The following AARS2 variants were observed in gnomAD, a reference collection of about 807,000 sequenced individuals.
The protein encoded by AARS2 is alanyl-tRNA synthetase 2, mitochondrial.
A neutral mutation model predicts 119.7 loss-of-function variants in AARS2; 78 were observed. That is an observed-to-expected ratio of 0.65 (90% CI 0.54 to 0.79). The LOEUF (loss-of-function observed/expected upper bound fraction) is 0.79, where lower values mean the gene tolerates loss of function less well. AARS2 is among the 30% of genes least tolerant of loss of function. The probability of loss-of-function intolerance (pLI) is 0.00; values close to 1 mark genes in which losing one functional copy is unlikely to be tolerated. For synonymous variants in AARS2, 502 were observed against 526.3 expected, an observed-to-expected ratio of 0.95 and a Z score of 0.63; for missense variants, 1,157 against 1,291.3, an observed-to-expected ratio of 0.90 and a Z score of 1.59.
rs755011099 is a variant in AARS2 at position 44,313,314 on chromosome 6, A to G, written c.10T>C (p.Ser4Pro). 1.2e-6 allele frequency: 2 copies of G among 1,601,998 alleles called. No homozygotes were observed. Among genetic ancestry groups the G allele is most frequent in the Non-Finnish European group, 8.5e-7 (1 of 1,178,758 alleles). The change falls in exon 1 of 22, where the codon TCA becomes CCA. Residue 4 changes from serine to proline, a missense_variant. Physicochemically the swap from Ser to Pro is moderately conservative, Grantham distance 74. Transcript: ENST00000244571. ...AGCCTCCGGGCTGCAGCTGCCACTG[A>G]CGCTGCCATCGTAGCTCCGGGCAGT... Reference protein sequence around the residue: MAASVAAAARRLRR... With the variant: MAAPVAAAARRLRR...
intron 21 of AARS2, 173 bp from the exon 22 acceptor site, chr6:44,300,884 G>T: frequency 1.2e-6 from 1 of 857,334 alleles, no homozygotes; most frequent in South Asian, 1.5e-5. Flanking sequence ...AATGTGTGTG[G>T]GGAGGTGTAT....
At chr6:44,309,227 G>C (rs1561942309) in intron 5 of AARS2, among the ~76,000 whole-genome samples, 1 of 152,200 alleles carries the variant, frequency 6.6e-6, no homozygotes, top group East Asian at 1.9e-4. Context: ...TAGCCAGCTA[G>C]GTGATGACAG....
intron 21 of AARS2, 74 bp downstream of exon 21, chr6:44,301,082 A>C (rs1414583138): frequency 9.5e-6 from 13 of 1,364,500 alleles, no homozygotes; most frequent in Admixed American, 5.4e-5. Context: ...GGAGGAATTA[A>C]AGGTGTAAAA....
rs550871520 is a variant in AARS2 at position 44,302,446 on chromosome 6, C to G, written c.2432G>C (p.Ser811Thr). Reference protein sequence around the residue: ...KAATERLSLGSRDVAEALRLS... With the variant: ...KAATERLSLGTRDVAEALRLS... ...CCTCAGTGCCTCCGCCACATCCCGG[C>G]TCCCCAGACTCAGCCGCTCAGTGGC... Residue 811 changes from serine (S) to threonine (T), a missense_variant, in exon 18 of 22, where the codon AGC (serine) becomes ACC (threonine). Ser to Thr is a moderately conservative substitution (Grantham distance 58). Coordinates refer to ENST00000244571, the MANE Select transcript of AARS2 (RefSeq NM_020745.4). The G allele has an allele frequency of 1.2e-6, 2 of 1,614,056 alleles. No homozygotes were observed. Among genetic ancestry groups the G allele is most frequent in the African/African-American group, 2.7e-5 (2 of 74,928 alleles).
chr6:44,300,431 C>T lies in AARS2; in HGVS notation c.*116G>A. 1 of 1,471,178 alleles carries T rather than the reference C, an allele frequency of 6.8e-7. No homozygotes were observed. The highest frequency in any genetic ancestry group is 9.4e-7 in the Non-Finnish European group (1 of 1,058,290). The allele number at this position is 1,471,178 out of a possible 1,614,324, so 91.1% of individuals were successfully genotyped here. ...CTGGCCCAGGTGATCTTCTTTGGCT[C>T]AGCTGCTTGGCCTCCAGCCTCTAGT... On this transcript the variant is annotated 3_prime_UTR_variant, in exon 22 of 22. Coordinates refer to ENST00000244571, the MANE Select transcript of AARS2 (RefSeq NM_020745.4).
In AARS2 at chr6:44,301,229, G is replaced by A; in HGVS notation, c.2720C>T (p.Ala907Val). ...GAGTAGGAGCACAGACGTGCTGGGG[G>A]CCTGCTCACACAGCTGCCGTACCAC... ...VKVVRQLCEQAPSTSVLLLSP... is the reference protein window; with the variant it reads ...VKVVRQLCEQVPSTSVLLLSP... Residue 907 changes from alanine to valine, a missense_variant, in exon 21 of 22, where the codon GCC (alanine) becomes GTC (valine). By Grantham distance (64) the Ala-to-Val change is moderately conservative. Transcript: ENST00000244571. 1.9e-6 allele frequency: 3 copies of A among 1,613,738 alleles called. No individual in the cohort carries two copies. Among genetic ancestry groups the A allele is most frequent in the South Asian group, 1.1e-5 (1 of 91,074 alleles).
intron 5 of AARS2, among the ~76,000 whole-genome samples, chr6:44,308,229 G>A (rs1786029630): frequency 6.6e-6 from 1 of 152,138 alleles, no homozygotes; most frequent in Non-Finnish European, 1.5e-5. Flanking sequence ...CACAGCAACA[G>A]GAGTAGCCTT....
chr6:44,302,341 G>A (rs1785430557), intron 18 of AARS2, 50 bp downstream of exon 18: 1 of 1,613,724 alleles, frequency 6.2e-7, no homozygotes, highest in Non-Finnish European at 8.5e-7. Flanking sequence ...GGGAGGAATA[G>A]GGGAGGTAAT....
chr6:44,301,068 T>TG, intron 21 of AARS2, 88 bp downstream of exon 21: 1 of 1,180,976 alleles, frequency 8.5e-7, no homozygotes, highest in Non-Finnish European at 1.2e-6. Flanking sequence ...CCTTGGCCCC[T>TG]TTGGGAGGAA....
At chr6:44,312,013 A>G in intron 2 of AARS2, 59 bp downstream of exon 2, 1 of 1,590,932 alleles carries the variant, frequency 6.3e-7, no homozygotes, top group Non-Finnish European at 8.6e-7. Context: ...CAGACAGTAC[A>G]ATGGAAACAG....
At chr6:44,300,782 CAA>C in intron 21 of AARS2, 71 bp from the exon 22 acceptor site, 1 of 1,567,196 alleles carries the variant, frequency 6.4e-7, no homozygotes, top group Non-Finnish European at 8.6e-7. Context: ...AAGGTACCCT[CAA>C]GAGTGGAGCT....
Position 44,304,826 on chromosome 6 carries a change from G to A in AARS2, c.1580-9C>T, listed in dbSNP as rs1261660422. On this transcript the variant is annotated splice_polypyrimidine_tract_variant and intron_variant, in intron 11 of 21. Coordinates refer to ENST00000244571, the MANE Select transcript of AARS2 (RefSeq NM_020745.4). ...CTCACAGGTGCCGAACTCTGCCAGGGCACAGAATGGTTATTAGTGGTGGGC... is the reference window on the plus strand; with the variant it reads ...CTCACAGGTGCCGAACTCTGCCAGGACACAGAATGGTTATTAGTGGTGGGC... The A allele has an allele frequency of 6.2e-7, 1 of 1,614,106 alleles. No individual in the cohort carries two copies. Among genetic ancestry groups the A allele is most frequent in the Non-Finnish European group, 8.5e-7 (1 of 1,179,994 alleles).
At position 44,305,825 on chromosome 6, in the gene AARS2, G is replaced by C. The variant is rs1785796446; in HGVS notation, c.1301-39C>G. On this transcript the variant is annotated intron_variant, in intron 9 of 21. Coordinates refer to ENST00000244571, the MANE Select transcript of AARS2 (RefSeq NM_020745.4). This position sits in a 1 kb window ranked among gnomAD's most constrained non-coding sequence, Gnocchi z 4.6. ...AGACAAAGAATGTTGAGGAGGGGAG[G>C]GATTAGACAAAGAAGGGGAGAAAAA... The C allele has an allele frequency of 1.2e-6, 2 of 1,611,458 alleles. No homozygotes were observed. Among genetic ancestry groups the C allele is most frequent in the East Asian group, 2.2e-5 (1 of 44,836 alleles).
At chr6:44,306,868 A>G (rs1003129317) in intron 7 of AARS2, 55 bp downstream of exon 7, 2 of 1,532,126 alleles carry the variant, frequency 1.3e-6, no homozygotes, top group Non-Finnish European at 9.0e-7. Context: ...GCTCAGTGGT[A>G]GGCTCCCCAA....
In AARS2 at chr6:44,306,299, C is replaced by A. The variant is rs557359115; in HGVS notation, c.1281G>T (p.Gly427=). The change falls in exon 9 of 22, where the codon GGG becomes GGT. Residue 427 remains glycine (G), a synonymous_variant. Transcript: ENST00000244571. ...RIIDRTLRTL[G]PSDMFPAEVA... ...GCTTACCAGGGAACATATCTGAAGG[C>A]CCCAGGGTCCTCAGAGTCCGATCAA... 25 of 1,614,136 alleles carry A rather than the reference C, an allele frequency of 1.5e-5. No individual in the cohort carries two copies. Among genetic ancestry groups the A allele is most frequent in the Non-Finnish European group, 2.0e-5 (24 of 1,180,000 alleles).
In AARS2 at chr6:44,304,825, G is replaced by C; in HGVS notation, c.1580-8C>G. On this transcript the variant is annotated splice_polypyrimidine_tract_variant and splice_region_variant and intron_variant, in intron 11 of 21. Coordinates refer to ENST00000244571, the MANE Select transcript of AARS2 (RefSeq NM_020745.4). ...CCTCACAGGTGCCGAACTCTGCCAG[G>C]GCACAGAATGGTTATTAGTGGTGGG... 6.2e-7 allele frequency: 1 copy of C among 1,614,082 alleles called. No individual in the cohort carries two copies. The highest frequency in any genetic ancestry group is 8.5e-7 in the Non-Finnish European group (1 of 1,179,984).
intron 9 of AARS2, 65 bp downstream of exon 9, chr6:44,306,215 C>A: frequency 6.7e-7 from 1 of 1,498,078 alleles, no homozygotes; most frequent in Non-Finnish European, 9.3e-7. Flanking sequence ...CCCAGAGCTC[C>A]CTCCTCTGCC....
intron 19 of AARS2, 85 bp downstream of exon 19, chr6:44,301,975 A>G: frequency 2.1e-6 from 3 of 1,404,978 alleles, no homozygotes; most frequent in South Asian, 2.4e-5. Flanking sequence ...CCTCTGACTC[A>G]CCCCCATGCC....
Position 44,304,247 on chromosome 6 carries a change from GC to G in AARS2, c.1940del (p.Gly647AlafsTer20). 5 of 1,614,180 alleles carry G rather than the reference GC, an allele frequency of 3.1e-6. No individual in the cohort carries two copies. Among genetic ancestry groups the G allele is most frequent in the Non-Finnish European group, 3.4e-6 (4 of 1,180,036 alleles). ...LLNWALRQTL[G>X]PGTEQQGSHL... ...GGGAGCCCTGCTGCTCTGTGCCAGG[GC>G]CCAGGGTCTGCCTCAGTGCCCAGTT... On this transcript the variant is annotated frameshift_variant, in exon 14 of 22. Transcript: ENST00000244571. LOFTEE classifies it high-confidence loss of function.
Sources: allele counts gnomAD v4.1 joint callset (sites outside exome capture counted in the v4.1 genomes callset), GRCh38; gene constraint gnomAD v4.1.1; non-coding constraint Gnocchi (gnomAD v3.1); transcripts MANE v1.5; gene names NCBI Gene and HGNC (gene_info 2026-07-23, HGNC 2026-07-21).